Variants in USP42 observed in about 807,000 individuals in gnomAD.
USP42 encodes ubiquitin carboxyl-terminal hydrolase 42.
A neutral mutation model predicts 113.0 loss-of-function variants in USP42; 23 were observed. The observed-to-expected ratio is 0.20, with a 90% CI of 0.15 to 0.29. The LOEUF (loss-of-function observed/expected upper bound fraction) is 0.29. USP42 is among the 10% of genes least tolerant of loss of function. USP42 has a pLI of 1.00. For missense variants in USP42, 2,174 were observed against 1,779.8 expected, an observed-to-expected ratio of 1.22 and a Z score of -3.99; for synonymous variants, 933 against 699.0, an observed-to-expected ratio of 1.33 and a Z score of -5.28.
intron 4 of USP42, 50 bp downstream of exon 4, chr7:6,136,001 A>AATTT: frequency 1.1e-6 from 1 of 917,250 alleles, no homozygotes; most frequent in South Asian, 2.2e-5. Flanking sequence ...ACCTAGTTAT[A>AATTT]CTTTTTTTTT....
intron 11 of USP42, among the ~76,000 whole-genome samples, chr7:6,147,026 A>G (rs1583664390): frequency 6.6e-6 from 1 of 152,238 alleles, no homozygotes; most frequent in Admixed American, 6.5e-5. Flanking sequence ...CACTCGCTCC[A>G]TTTTTGGAAA....
intron 1 of USP42, among the ~76,000 whole-genome samples, chr7:6,106,329 AAC>A (rs1357591509): frequency 2.0e-5 from 3 of 152,256 alleles, no homozygotes; most frequent in African/African-American, 7.2e-5. Context: ...AGCAGAGCGT[AAC>A]AGTTTCTCTT....
At chr7:6,152,430 G>A (rs1782121922) in intron 14 of USP42, among the ~76,000 whole-genome samples, 1 of 152,144 alleles carries the variant, frequency 6.6e-6, no homozygotes, top group Non-Finnish European at 1.5e-5. Context: ...CACGGTTGTT[G>A]GCACTCACCT....
the USP42 span, among the ~76,000 whole-genome samples, chr7:6,097,386 CTTTTTTT>C: frequency 9.2e-6 from 1 of 108,442 alleles, no homozygotes; most frequent in African/African-American, 3.7e-5. Context: ...CCTGTGGGTC[CTTTTTTT>C]TTTTTTTTTT....
At chr7:6,128,800 T>G (rs1780681052) in intron 3 of USP42, among the ~76,000 whole-genome samples, 1 of 152,064 alleles carries the variant, frequency 6.6e-6, no homozygotes. Flanking sequence ...TACATCATTT[T>G]GCTTTACTTG....
At chr7:6,108,054 C>T (rs922608745) in intron 1 of USP42, among the ~76,000 whole-genome samples, 5 of 151,996 alleles carry the variant, frequency 3.3e-5, no homozygotes, top group Admixed American at 6.6e-5. Context: ...TGTGGTGGCA[C>T]GCACCTGTAG....
chr7:6,159,547 G>C lies in USP42; in HGVS notation c.*36+54G>C. On this transcript the variant is annotated intron_variant, in intron 17 of 17. Transcript: ENST00000306177. This position sits in a 1 kb window ranked among gnomAD's most constrained non-coding sequence, Gnocchi z 4.1. The stretch of plus-strand genomic sequence containing the variant: ...TTGTTTGTGGTGGCGCTGAGGGGAC[G>C]CAGGCAGAGGAGTTTTAATTCTGCG... 1 of 1,540,890 alleles carries C rather than the reference G, an allele frequency of 6.5e-7. No homozygotes were observed. The highest frequency in any genetic ancestry group is 9.0e-7 in the Non-Finnish European group (1 of 1,116,638).
At position 6,156,903 on chromosome 7, in the gene USP42, T is replaced by G; in HGVS notation, c.3791T>G (p.Leu1264Trp). 1 of 1,613,844 alleles carries G rather than the reference T, an allele frequency of 6.2e-7. No homozygotes were observed. The highest frequency in any genetic ancestry group is 8.5e-7 in the Non-Finnish European group (1 of 1,179,834). Residue 1264 changes from leucine (L) to tryptophan (W), a missense_variant, in exon 16 of 18, where the codon TTG becomes TGG. By Grantham distance (61) the Leu-to-Trp change is moderately conservative (BLOSUM62 -2). Transcript: ENST00000306177. The stretch of plus-strand genomic sequence containing the variant: ...CTGCACTTACCCAGGGTCACCAGCT[T>G]GGAGACTGTCGCCCAGTTCCGGAGA... Reference protein sequence around the residue: ...SELHLPRVTSLETVAQFRRAQ... With the variant: ...SELHLPRVTSWETVAQFRRAQ...
upstream of USP42, among the ~76,000 whole-genome samples, chr7:6,102,320 G>T (rs1790151744): frequency 6.7e-6 from 1 of 149,946 alleles, no homozygotes; most frequent in African/African-American, 2.5e-5. Flanking sequence ...CAGCATATTG[G>T]CCAGGCTGGT....
the USP42 span, among the ~76,000 whole-genome samples, chr7:6,082,712 G>A: frequency 7.4e-6 from 1 of 134,880 alleles, no homozygotes; most frequent in African/African-American, 2.9e-5. Flanking sequence ...CCAGGTTCAA[G>A]CAATTCTCCT....
chr7:6,127,795 T>G (rs1780619896), intron 3 of USP42, among the ~76,000 whole-genome samples: 1 of 152,202 alleles, frequency 6.6e-6, no homozygotes, highest in African/African-American at 2.4e-5. Context: ...TATAAAATAT[T>G]TTGCTGGGAT....
chr7:6,126,865 C>G (rs1369090225), intron 3 of USP42, among the ~76,000 whole-genome samples: 4 of 152,164 alleles, frequency 2.6e-5, no homozygotes, highest in Non-Finnish European at 2.9e-5. Context: ...AGCATGTCTT[C>G]ATTTCTCTGG....
intron 14 of USP42, chr7:6,152,823 T>A: frequency 4.8e-6 from 2 of 414,828 alleles, no homozygotes; most frequent in Non-Finnish European, 6.5e-6. Context: ...TCCTCATAAT[T>A]TGTCAGTAAT....
rs531949929 is a variant in USP42 at position 6,158,194 on chromosome 7, A to G, written c.3943+1139A>G. Among the ~76,000 whole-genome samples, 1 of 152,384 alleles carries G rather than the reference A, an allele frequency of 6.6e-6. No individual in the cohort carries two copies. Among genetic ancestry groups the G allele is most frequent in the African/African-American group, 2.4e-5 (1 of 41,598 alleles). On this transcript the variant is annotated intron_variant, in intron 16 of 17. Coordinates refer to ENST00000306177, the MANE Select transcript of USP42 (RefSeq NM_032172.3). This position sits in a 1 kb window ranked among gnomAD's most constrained non-coding sequence, Gnocchi z 4.2. ...AGTGTCTGTGGCTTGATTGGGGCGC[A>G]GCCAGGTGCGTTCCCACGCTGTCTG... is the stretch of plus-strand genomic sequence containing the variant.
chr7:6,111,056 C>T, intron 1 of USP42, 69 bp from the exon 2 acceptor site: 2 of 1,478,142 alleles, frequency 1.4e-6, no homozygotes, highest in South Asian at 1.3e-5. Context: ...CTTCCAAGAT[C>T]TAACGGTAGG....
At chr7:6,130,980 G>A (rs958121244) in intron 3 of USP42, among the ~76,000 whole-genome samples, 15 of 152,172 alleles carry the variant, frequency 9.9e-5, no homozygotes, top group Non-Finnish European at 2.1e-4. Flanking sequence ...TGAGCCACAG[G>A]TGTGGTCCAG....
At chr7:6,101,228 G>A (rs1266376511), upstream of USP42, among the ~76,000 whole-genome samples, 1 of 151,080 alleles carries the variant, frequency 6.6e-6, no homozygotes, top group Non-Finnish European at 1.5e-5. Context: ...AGGGATGGAA[G>A]CATCCGCCAG....
chr7:6,107,231 A>G (rs1779338654), intron 1 of USP42, among the ~76,000 whole-genome samples: 1 of 152,134 alleles, frequency 6.6e-6, no homozygotes, highest in African/African-American at 2.4e-5. Context: ...TCCCTTTTAA[A>G]AGGTAATTGG....
chr7:6,093,827 TAA>T, the USP42 span, among the ~76,000 whole-genome samples: 157 of 151,246 alleles, frequency 1.0e-3, 8 homozygotes, highest in African/African-American at 3.6e-3. Context: ...GTAAAATCTA[TAA>T]GAGTTAAAAG....
Sources: gnomAD v4.1 joint callset for allele counts (sites outside exome capture counted in the v4.1 genomes callset) on GRCh38, gnomAD v4.1.1 for gene constraint, Gnocchi (gnomAD v3.1) non-coding constraint, MANE v1.5 for transcripts, NCBI Gene and HGNC (gene_info 2026-07-23, HGNC 2026-07-21) for gene names.